Variants in RUFY3 observed in about 807,000 individuals in gnomAD.
RUFY3 encodes protein RUFY3.
RUFY3 carries 34 observed loss-of-function variants against 84.0 expected under a neutral mutation model. That is an observed-to-expected ratio of 0.40 (90% CI 0.31 to 0.54). The LOEUF (loss-of-function observed/expected upper bound fraction) is 0.54, where lower values mean the gene tolerates loss of function less well. Ranked by LOEUF, RUFY3 falls within the 20% of genes least tolerant of loss-of-function variation. RUFY3 has a pLI of 0.39. For synonymous variants in RUFY3, 242 were observed against 252.9 expected, an observed-to-expected ratio of 0.96 and a Z score of 0.41; for missense variants, 507 against 736.8, an observed-to-expected ratio of 0.69 and a Z score of 3.61.
chr4:70,718,791 C>T (rs2148577468), upstream of RUFY3, among the ~76,000 whole-genome samples: 1 of 151,936 alleles, frequency 6.6e-6, no homozygotes, highest in South Asian at 2.1e-4. Context: ...AATCTCACCT[C>T]ACTGCAACCC....
At chr4:70,801,188 G>A (rs1483319808) in intron 15 of RUFY3, among the ~76,000 whole-genome samples, 2 of 151,646 alleles carry the variant, frequency 1.3e-5, no homozygotes, top group Admixed American at 6.6e-5. Context: ...AAAATCAGTG[G>A]TTGCCAGTGG....
At position 70,788,912 on chromosome 4, in the gene RUFY3, C is replaced by T. The variant is rs756202197; in HGVS notation, c.1178C>T (p.Ser393Phe). Residue 393 changes from serine (S) to phenylalanine (F), a missense_variant, in exon 11 of 18, where the codon TCT becomes TTT. Around this residue, in one of 4 missense-constraint regions of RUFY3, gnomAD observed 334 missense variants for 364.1 expected, o/e 0.92. Coordinates refer to ENST00000381006, the MANE Select transcript of RUFY3 (RefSeq NM_001037442.4). ...TGTGAGAAGCAGGATGCCCTGGTAT[C>T]TCTTCGGCAGCAGCTGGATGACCTC... is the stretch of plus-strand genomic sequence containing the variant. ...DVCEKQDALV[S>F]LRQQLDDLRA... 1 of 1,614,174 alleles carries T rather than the reference C, an allele frequency of 6.2e-7. No individual in the cohort carries two copies. The highest frequency in any genetic ancestry group is 8.5e-7 in the Non-Finnish European group (1 of 1,180,046).
At chr4:70,758,880 A>C (rs1724500807) in intron 1 of RUFY3, among the ~76,000 whole-genome samples, 1 of 152,064 alleles carries the variant, frequency 6.6e-6, no homozygotes, top group East Asian at 1.9e-4. Context: ...TCTACTAAAA[A>C]TACAAAAAAT....
intron 1 of RUFY3, among the ~76,000 whole-genome samples, chr4:70,743,352 G>C (rs554230900): frequency 3.3e-5 from 5 of 152,096 alleles, no homozygotes; most frequent in Admixed American, 3.3e-4. Context: ...GATTACAAGT[G>C]TGAACCACTG....
Position 70,762,554 on chromosome 4 carries a change from C to A in RUFY3, c.214C>A (p.Leu72Ile). The change falls in exon 2 of 18, where the codon CTC becomes ATC. Residue 72 changes from leucine to isoleucine, a missense_variant. Physicochemically the swap from Leu to Ile is conservative, Grantham distance 5. Transcript: ENST00000381006. Reference protein sequence around the residue: ...NYLMANERMNLMNMAKLSIKG... With the variant: ...NYLMANERMNIMNMAKLSIKG... Reference sequence around the variant, plus strand: ...TCTCATGGCTAATGAACGCATGAACCTCATGAACATGGCCAAGCTGAGTAT... The same window carrying A: ...TCTCATGGCTAATGAACGCATGAACATCATGAACATGGCCAAGCTGAGTAT... 6.2e-7 allele frequency: 1 copy of A among 1,613,414 alleles called. No homozygotes were observed. Among genetic ancestry groups the A allele is most frequent in the Non-Finnish European group, 8.5e-7 (1 of 1,179,536 alleles).
rs186524341 is a variant in RUFY3 at position 70,807,815 on chromosome 4, A to C, written c.*1156A>C. ...ACACCTGGCCAAGTTTAATTTGTTCATGGCTGAGAACAGTTAGCTCGGAAT... is the reference window on the plus strand; with the variant it reads ...ACACCTGGCCAAGTTTAATTTGTTCCTGGCTGAGAACAGTTAGCTCGGAAT... On this transcript the variant is annotated 3_prime_UTR_variant, in exon 18 of 18. Coordinates refer to ENST00000381006, the MANE Select transcript of RUFY3 (RefSeq NM_001037442.4). 1.8e-3 allele frequency among the ~76,000 whole-genome samples: 268 copies of C among 152,190 alleles called. No individual in the cohort carries two copies. The highest frequency in any genetic ancestry group is 0.014 in the Middle Eastern group (4 of 294).
Position 70,768,608 on chromosome 4 carries a change from C to A in RUFY3, c.643C>A (p.Leu215Met). The A allele has an allele frequency of 1.2e-6, 2 of 1,613,932 alleles. No individual in the cohort carries two copies. The highest frequency in any genetic ancestry group is 1.7e-6 in the Non-Finnish European group (2 of 1,179,954). The change falls in exon 5 of 18, where the codon CTG becomes ATG. Residue 215 changes from leucine to methionine, a missense_variant. Around this residue, in one of 4 missense-constraint regions of RUFY3, gnomAD observed 133 missense variants for 301.1 expected, o/e 0.44. Transcript: ENST00000381006. ...GAIIAGLLVG[L>M]NVIDANFCMK... ...CATAATTGCTGGTCTGTTGGTGGGT[C>A]TGAATGTCATTGATGCCAATTTCTG...
At chr4:70,721,171 G>A (rs868025755), upstream of RUFY3, among the ~76,000 whole-genome samples, 3 of 152,016 alleles carry the variant, frequency 2.0e-5, no homozygotes, top group Non-Finnish European at 4.4e-5. Context: ...AATTAGCTGG[G>A]CGTGGTGGTG....
intron 1 of RUFY3, among the ~76,000 whole-genome samples, chr4:70,725,872 G>T (rs1718148624): frequency 6.6e-6 from 1 of 152,190 alleles, no homozygotes; most frequent in Non-Finnish European, 1.5e-5. Flanking sequence ...GAGGGCTTCT[G>T]TTTGGCACAA....
intron 10 of RUFY3, among the ~76,000 whole-genome samples, chr4:70,787,186 AAATAT>A (rs1452239595): frequency 3.5e-5 from 4 of 113,758 alleles, no homozygotes; most frequent in African/African-American, 3.6e-5. Flanking sequence ...AAAAAAAAAA[AAATAT>A]ATATATATAT....
At chr4:70,777,153 C>T (rs1467201348) in intron 7 of RUFY3, among the ~76,000 whole-genome samples, 1 of 152,150 alleles carries the variant, frequency 6.6e-6, no homozygotes, top group Non-Finnish European at 1.5e-5. Context: ...CCAAGGAAGT[C>T]CCAGAGGGAG....
chr4:70,744,874 C>T (rs1390864104), intron 1 of RUFY3, among the ~76,000 whole-genome samples: 1 of 151,816 alleles, frequency 6.6e-6, no homozygotes, highest in African/African-American at 2.4e-5. Flanking sequence ...AGGCTGGTCT[C>T]GAACTCCTGG....
intron 1 of RUFY3, chr4:70,741,799 A>G: frequency 4.6e-6 from 3 of 647,492 alleles, no homozygotes; most frequent in Non-Finnish European, 7.0e-6. Flanking sequence ...TCCCATGGCA[A>G]TAAGTGGAAA....
At position 70,801,989 on chromosome 4, in the gene RUFY3, T is replaced by C. The variant is rs541701032; in HGVS notation, c.1623-967T>C. On this transcript the variant is annotated intron_variant, in intron 15 of 17. Coordinates refer to ENST00000381006, the MANE Select transcript of RUFY3 (RefSeq NM_001037442.4). ...GGAACAGTGCTTCCTTATATCTGAA[T>C]TGTGCTCTGCAACTTAGAATTTGTT... Among the ~76,000 whole-genome samples the C allele has an allele frequency of 2.6e-5, 4 of 152,344 alleles. No individual in the cohort carries two copies. The South Asian group carries it at 8.3e-4, about 32-fold the overall frequency.
rs190587336 is a variant in RUFY3 at position 70,724,398 on chromosome 4, A to T, written c.178+1647A>T. 3.1e-3 allele frequency among the ~76,000 whole-genome samples: 476 copies of T among 152,348 alleles called. 4 individuals carry two copies. Among genetic ancestry groups the T allele is most frequent in the Non-Finnish European group, 3.4e-3 (228 of 68,028 alleles). ...TACCAGTGTCTCAAAAATAATTTTTAACAATTTTAACACCTCAAATATATG... is the reference window on the plus strand; with the variant it reads ...TACCAGTGTCTCAAAAATAATTTTTTACAATTTTAACACCTCAAATATATG... On this transcript the variant is annotated intron_variant, in intron 1 of 17. Coordinates refer to ENST00000381006, the MANE Select transcript of RUFY3 (RefSeq NM_001037442.4).
chr4:70,778,488 G>A (rs1383211839), intron 8 of RUFY3, 50 bp downstream of exon 8: 2 of 912,210 alleles, frequency 2.2e-6, no homozygotes, highest in Non-Finnish European at 3.5e-6. Flanking sequence ...ATATGCATTA[G>A]TAGAACCAAT....
chr4:70,747,403 A>T (rs1309178549), intron 1 of RUFY3, among the ~76,000 whole-genome samples: 1 of 151,986 alleles, frequency 6.6e-6, no homozygotes, highest in Admixed American at 6.6e-5. Flanking sequence ...GACCCACTAA[A>T]GGGTTGTGAC....
At chr4:70,776,131 C>G (rs544844935) in intron 7 of RUFY3, among the ~76,000 whole-genome samples, 36 of 152,178 alleles carry the variant, frequency 2.4e-4, no homozygotes, top group African/African-American at 8.2e-4. Flanking sequence ...CTAAGACCCC[C>G]AAAGGATATC....
At chr4:70,732,936 G>A (rs948413121) in intron 1 of RUFY3, among the ~76,000 whole-genome samples, 10 of 151,882 alleles carry the variant, frequency 6.6e-5, no homozygotes, top group East Asian at 1.9e-4. Flanking sequence ...GTGCAGTGGC[G>A]GGCGCCTGTA....
Sources: allele counts gnomAD v4.1 joint callset (sites outside exome capture counted in the v4.1 genomes callset), GRCh38; gene constraint gnomAD v4.1.1; regional missense constraint gnomAD v4.1.1; transcripts MANE v1.5; gene names NCBI Gene and HGNC (gene_info 2026-07-23, HGNC 2026-07-21).